The following TTBK2 variants were observed in gnomAD, a reference collection of about 807,000 sequenced individuals.
TTBK2 encodes tau tubulin kinase 2, also known as tau-tubulin kinase 2.
A neutral mutation model predicts 110.8 loss-of-function variants in TTBK2; 28 were observed. That is an observed-to-expected ratio of 0.25 (90% CI 0.19 to 0.35). TTBK2 has a LOEUF of 0.35. Among genes scored for constraint, TTBK2 ranks in the 10% least tolerant of loss-of-function variants. The pLI, the probability that TTBK2 is intolerant of heterozygous loss-of-function variation, is 1.00. For missense variants in TTBK2, 1,369 were observed against 1,500.3 expected, an observed-to-expected ratio of 0.91 and a Z score of 1.45; for synonymous variants, 532 against 527.3, an observed-to-expected ratio of 1.01 and a Z score of -0.12.
At chr15:42,871,460 TG>T (rs1362024108) in intron 3 of TTBK2, 3 of 985,176 alleles carry the variant, frequency 3.0e-6, no homozygotes, top group Non-Finnish European at 3.6e-6. Context: ...AGCATCTCCT[TG>T]GAGCCAAGTA....
At chr15:42,789,585 T>C (rs1890556087) in intron 10 of TTBK2, among the ~76,000 whole-genome samples, 2 of 151,866 alleles carry the variant, frequency 1.3e-5, no homozygotes, top group Admixed American at 1.3e-4. Context: ...AATACAAAAA[T>C]TAGCCAGCTG....
Position 42,846,279 on chromosome 15 carries a change from T to TCC in TTBK2, c.218-5848_218-5847dup, listed in dbSNP as rs796229845. Among the ~76,000 whole-genome samples the TCC allele has an allele frequency of 4.6e-5, 7 of 151,974 alleles. No individual in the cohort carries two copies. The South Asian group carries it at 1.5e-3, about 32-fold the overall frequency. On this transcript the variant is annotated intron_variant, in intron 3 of 14. Coordinates refer to ENST00000267890, the MANE Select transcript of TTBK2 (RefSeq NM_173500.4). Reference sequence around the variant, plus strand: ...ATCTCATCTCACTGTAACCTCTGCCTCCCAGGTTCAAGCAATTCTCGTGCC... The same window carrying TCC: ...ATCTCATCTCACTGTAACCTCTGCCTCCCCCAGGTTCAAGCAATTCTCGTGCC...
intron 6 of TTBK2, 52 bp downstream of exon 6, chr15:42,827,876 A>G: frequency 6.9e-7 from 1 of 1,455,900 alleles, no homozygotes; most frequent in Non-Finnish European, 9.6e-7. Context: ...GTGTGATACT[A>G]TAAATACCAG....
Position 42,742,453 on chromosome 15 carries a change from C to T in TTBK2, c.*3342G>A, listed in dbSNP as rs1199095679. 10 of 152,008 alleles carry T rather than the reference C, an allele frequency of 6.6e-5. No homozygotes were observed. The highest frequency in any genetic ancestry group is 6.6e-4 in the Admixed American group (10 of 15,266). The allele number at this position is 152,008 out of a possible 1,614,324, so 9.4% of individuals were successfully genotyped here. A position where few individuals can be genotyped will look rare whatever the true frequency, so the allele number is the denominator to read the frequency against. ...GTTTTCCTTCTTTGTTCACTATACA[C>T]TAAAATTAAACGCCTCTACGCTGTG... On this transcript the variant is annotated 3_prime_UTR_variant, in exon 15 of 15. Coordinates refer to ENST00000267890, the MANE Select transcript of TTBK2 (RefSeq NM_173500.4).
chr15:42,784,752 G>A lies in TTBK2; in HGVS notation c.981-1117C>T, dbSNP rs540803310. ...GGTATATCTAAAGACCAAAGGAGAG[G>A]TTGGGGGTTTTATTAGAGAGATGTC... On this transcript the variant is annotated intron_variant, in intron 10 of 14. Transcript: ENST00000267890. Among the ~76,000 whole-genome samples, 214 of 152,304 alleles carry A rather than the reference G, an allele frequency of 1.4e-3. 1 individual carries two copies. The highest frequency in any genetic ancestry group is 4.9e-3 in the African/African-American group (202 of 41,564).
intron 7 of TTBK2, among the ~76,000 whole-genome samples, chr15:42,813,235 A>C (rs1353010076): frequency 6.6e-6 from 1 of 152,190 alleles, no homozygotes; most frequent in East Asian, 1.9e-4. Context: ...TAAAAAGGAC[A>C]AATTGGCTAG....
intron 3 of TTBK2, among the ~76,000 whole-genome samples, chr15:42,842,704 A>G (rs1893270103): frequency 6.6e-6 from 1 of 151,512 alleles, no homozygotes; most frequent in South Asian, 2.1e-4. Flanking sequence ...TGGGCAACAT[A>G]GCAAGACCCC....
chr15:42,807,832 T>A (rs75510671), intron 9 of TTBK2, among the ~76,000 whole-genome samples: 7,376 of 152,274 alleles, frequency 0.048, 588 homozygotes, highest in African/African-American at 0.17. Context: ...AATTCTGATA[T>A]CTTCACATTT....
intron 13 of TTBK2, among the ~76,000 whole-genome samples, chr15:42,757,759 C>G (rs555891845): frequency 6.6e-6 from 1 of 152,330 alleles, no homozygotes; most frequent in African/African-American, 2.4e-5. Flanking sequence ...TCTTTTATAT[C>G]TTTAATTTCC....
intron 13 of TTBK2, among the ~76,000 whole-genome samples, chr15:42,770,855 T>C (rs965073394): frequency 6.6e-6 from 1 of 152,214 alleles, no homozygotes; most frequent in African/African-American, 2.4e-5. Context: ...CCTGTGTCAG[T>C]GGAGGCTCTG....
At chr15:42,849,370 C>A (rs1893602704) in intron 3 of TTBK2, among the ~76,000 whole-genome samples, 1 of 152,100 alleles carries the variant, frequency 6.6e-6, no homozygotes, top group Admixed American at 6.5e-5. Flanking sequence ...TATCTTCCTG[C>A]TCATTCTTGT....
intron 2 of TTBK2, 142 bp from the exon 3 acceptor site, chr15:42,872,900 G>T: frequency 9.5e-7 from 1 of 1,053,630 alleles, no homozygotes; most frequent in Non-Finnish European, 1.3e-6. Context: ...AATTAACTAT[G>T]TATATGCCAA....
intron 13 of TTBK2, among the ~76,000 whole-genome samples, chr15:42,757,347 G>C (rs1490419944): frequency 6.6e-6 from 1 of 152,022 alleles, no homozygotes; most frequent in South Asian, 2.1e-4. Context: ...CTGGGCTCAA[G>C]AGATCTTCCT....
chr15:42,806,080 A>T (rs1891454877), intron 9 of TTBK2, among the ~76,000 whole-genome samples: 1 of 152,146 alleles, frequency 6.6e-6, no homozygotes, highest in African/African-American at 2.4e-5. Context: ...CCTGGCCAAC[A>T]TGGCAAAACC....
At chr15:42,854,241 C>G (rs1893841941) in intron 3 of TTBK2, among the ~76,000 whole-genome samples, 1 of 152,128 alleles carries the variant, frequency 6.6e-6, no homozygotes, top group Non-Finnish European at 1.5e-5. Context: ...ACCTGGCCTA[C>G]AGAATACTTT....
chr15:42,871,430 T>A, intron 3 of TTBK2: 1 of 985,282 alleles, frequency 1.0e-6, no homozygotes, highest in Non-Finnish European at 1.2e-6. Flanking sequence ...GTGGCAAAGC[T>A]GTATCCTGCC....
chr15:42,775,111 T>C (rs1409776742), intron 13 of TTBK2, 24 bp downstream of exon 13: 2 of 1,606,374 alleles, frequency 1.2e-6, no homozygotes, highest in Non-Finnish European at 1.7e-6. Flanking sequence ...TAACAGAGAA[T>C]AATAATAAAA....
At chr15:42,791,109 G>C (rs541627347) in intron 10 of TTBK2, among the ~76,000 whole-genome samples, 1 of 151,968 alleles carries the variant, frequency 6.6e-6, no homozygotes, top group South Asian at 2.1e-4. Context: ...GGATGGTCTC[G>C]ATCTGACCTC....
chr15:42,760,384 CAAA>C (rs3036888), intron 13 of TTBK2, among the ~76,000 whole-genome samples: 13 of 89,162 alleles, frequency 1.5e-4, no homozygotes, highest in African/African-American at 4.1e-4. Flanking sequence ...GACTCCATCT[CAAA>C]AAAAAAAAAA....
Sources: allele counts gnomAD v4.1 joint callset (sites outside exome capture counted in the v4.1 genomes callset), GRCh38; gene constraint gnomAD v4.1.1; transcripts MANE v1.5; gene names NCBI Gene and HGNC (gene_info 2026-07-23, HGNC 2026-07-21).